Variants in CFAP47 observed in about 807,000 individuals in gnomAD.
The protein encoded by CFAP47 is cilia- and flagella-associated protein 47.
Under a neutral mutation model 148.1 loss-of-function variants are expected in CFAP47, and 29 were observed. The observed-to-expected ratio is 0.20, with a 90% CI of 0.15 to 0.27. The LOEUF (loss-of-function observed/expected upper bound fraction) is 0.27. Among genes scored for constraint, CFAP47 ranks in the 10% least tolerant of loss-of-function variants. The pLI, the probability that CFAP47 is intolerant of heterozygous loss-of-function variation, is 1.00. For missense variants in CFAP47, 1,872 were observed against 1,697.5 expected (o/e 1.10, Z -1.81); for synonymous variants, 664 against 577.3 (o/e 1.15, Z -2.15).
At chrX:36,241,746 G>C (rs1940547441) in intron 48 of CFAP47, among the ~76,000 whole-genome samples, 1 of 112,140 alleles carries the variant, frequency 8.9e-6, no homozygotes, top group Non-Finnish European at 1.9e-5. Flanking sequence ...TAGTCCATCA[G>C]CTGGTGTGGG....
chrX:36,312,671 G>A (rs1365484866), intron 56 of CFAP47, among the ~76,000 whole-genome samples: 2 of 111,737 alleles, frequency 1.8e-5, no homozygotes, highest in Non-Finnish European at 3.8e-5. Flanking sequence ...TTAAAATAAT[G>A]TGTGACTTTC....
intron 48 of CFAP47, among the ~76,000 whole-genome samples, chrX:36,240,182 T>C (rs1309843365): frequency 9.0e-6 from 1 of 111,534 alleles, no homozygotes; most frequent in African/African-American, 3.3e-5. Context: ...ACATAAAAAG[T>C]AGTTTTCAAT....
chrX:36,271,712 A>ATT (rs1313023863), intron 49 of CFAP47, among the ~76,000 whole-genome samples: 5 of 112,092 alleles, frequency 4.5e-5, no homozygotes, highest in African/African-American at 1.6e-4. Flanking sequence ...GTAGGATGAG[A>ATT]CATCATTTGA....
At chrX:36,322,021 A>G (rs183664227) in intron 57 of CFAP47, among the ~76,000 whole-genome samples, 2 of 111,081 alleles carry the variant, frequency 1.8e-5, no homozygotes, top group African/African-American at 3.3e-5. Context: ...CCTTCAATTT[A>G]TCTATATTGT....
chrX:36,229,785 A>G (rs1374377488), intron 46 of CFAP47, among the ~76,000 whole-genome samples: 1 of 70,045 alleles, frequency 1.4e-5, no homozygotes, highest in African/African-American at 5.6e-5. Flanking sequence ...AACAGTCCCC[A>G]GAGTGTGATG....
chrX:36,239,798 A>T (rs952628214), intron 48 of CFAP47, among the ~76,000 whole-genome samples: 1 of 111,851 alleles, frequency 8.9e-6, no homozygotes, highest in Non-Finnish European at 1.9e-5. Flanking sequence ...GATTGTGTAC[A>T]TGCCTGAGAG....
At chrX:36,119,249 T>G (rs927828869) in intron 33 of CFAP47, among the ~76,000 whole-genome samples, 2 of 111,922 alleles carry the variant, frequency 1.8e-5, no homozygotes, top group African/African-American at 3.2e-5. Context: ...CCTTCTATAC[T>G]CAGCTTTTTG....
At position 36,385,028 on chromosome X, in the gene CFAP47, T is replaced by A; in HGVS notation, c.*22T>A. On this transcript the variant is annotated 3_prime_UTR_variant, in exon 64 of 64. Coordinates refer to ENST00000378653, the MANE Select transcript of CFAP47 (RefSeq NM_001304548.2). ...ATAAAATTTTTTTCCAAAATATTTC[T>A]TGGTCTCAGGTAGAACTTTGATGAC... is the stretch of plus-strand genomic sequence containing the variant. The A allele has an allele frequency of 9.8e-7, 1 of 1,025,255 alleles. No individual in the cohort carries two copies. The highest frequency in any genetic ancestry group is 1.3e-6 in the Non-Finnish European group (1 of 744,485). The allele number at this position is 1,025,255 out of a possible 1,213,427, so 84.5% of individuals were successfully genotyped here.
At chrX:36,102,004 G>T (rs900498697) in intron 32 of CFAP47, among the ~76,000 whole-genome samples, 4 of 111,530 alleles carry the variant, frequency 3.6e-5, no homozygotes, top group African/African-American at 1.3e-4. Flanking sequence ...TAGTAGTTTT[G>T]TCATTGTTGT....
At chrX:36,235,285 C>T (rs1336900866) in intron 46 of CFAP47, among the ~76,000 whole-genome samples, 1 of 112,378 alleles carries the variant, frequency 8.9e-6, no homozygotes, top group Non-Finnish European at 1.9e-5. Context: ...TTCAAGCTTC[C>T]CAGCTGCTTT....
intron 49 of CFAP47, among the ~76,000 whole-genome samples, chrX:36,279,651 T>C (rs1320046208): frequency 8.9e-6 from 1 of 112,055 alleles, no homozygotes; most frequent in Non-Finnish European, 1.9e-5. Context: ...ATAGGTCAAC[T>C]TTAGTATAAA....
intron 33 of CFAP47, among the ~76,000 whole-genome samples, chrX:36,118,903 G>C (rs1218959298): frequency 8.9e-6 from 1 of 112,163 alleles, no homozygotes; most frequent in Non-Finnish European, 1.9e-5. Context: ...AAATGCTACT[G>C]ATTTGTACTT....
At position 36,046,967 on chromosome X, in the gene CFAP47, G is replaced by A. The variant is rs1334654135; in HGVS notation, c.4121G>A (p.Gly1374Glu). 6 of 1,162,796 alleles carry A rather than the reference G, an allele frequency of 5.2e-6. No homozygotes were observed. The highest frequency in any genetic ancestry group is 5.7e-6 in the Non-Finnish European group (5 of 869,648). The part of the protein sequence containing the change: ...KGRVIPGSHS[G>E]INNKLTCHLS... The stretch of plus-strand genomic sequence containing the variant: ...AGAGTCATCCCAGGCTCTCACAGTG[G>A]AATTAATAATAAGCTCACTTGCCAC... Residue 1374 changes from glycine (G) to glutamate (E), a missense_variant, in exon 26 of 64, where the codon GGA becomes GAA. Coordinates refer to ENST00000378653, the MANE Select transcript of CFAP47 (RefSeq NM_001304548.2).
chrX:35,919,747 A>G lies in CFAP47; in HGVS notation c.-53A>G. On this transcript the variant is annotated 5_prime_UTR_variant, in exon 1 of 64. Transcript: ENST00000378653. ...TTGCCTAGCGACGGTCGTCGACGCT[A>G]ATCCTTGGCCGGACGGATCCACATC... 1 of 1,157,068 alleles carries G rather than the reference A, an allele frequency of 8.6e-7. No individual in the cohort carries two copies. Among genetic ancestry groups the G allele is most frequent in the Non-Finnish European group, 1.2e-6 (1 of 863,534 alleles).
chrX:36,039,164 C>T lies in CFAP47; in HGVS notation c.3992C>T (p.Pro1331Leu). Residue 1331 changes from proline (P) to leucine (L), a missense_variant, in exon 25 of 64, where the codon CCT becomes CTT. By Grantham distance (98) the Pro-to-Leu change is moderately conservative. Transcript: ENST00000378653. ...ACTGTAATGGATATCAACATTTTAC[C>T]TCAAAACTATTTCAGGTAAATACTC... The part of the protein sequence containing the change: ...ITTVMDINIL[P>L]QNYFRNSTLC... The T allele has an allele frequency of 1.9e-6, 2 of 1,054,040 alleles. No homozygotes were observed. The highest frequency in any genetic ancestry group is 2.5e-6 in the Non-Finnish European group (2 of 791,095). 86.9% of individuals were successfully genotyped at this position (1,054,040 alleles called of 1,213,427 possible).
chrX:36,280,369 A>G, intron 49 of CFAP47, 118 bp from the exon 50 acceptor site: 1 of 315,235 alleles, frequency 3.2e-6, no homozygotes, highest in Non-Finnish European at 5.5e-6. Context: ...ATCTAGAATT[A>G]ATTTTCACTT....
At chrX:36,235,228 A>C (rs782190594) in intron 46 of CFAP47, among the ~76,000 whole-genome samples, 69 of 112,097 alleles carry the variant, frequency 6.2e-4, no homozygotes, top group Non-Finnish European at 1.2e-3. Flanking sequence ...GAGGTGGAGC[A>C]TACAGAGGCA....
At chrX:35,957,885 T>A (rs1193960579) in intron 8 of CFAP47, among the ~76,000 whole-genome samples, 1 of 112,162 alleles carries the variant, frequency 8.9e-6, no homozygotes, top group Non-Finnish European at 1.9e-5. Flanking sequence ...AATAATAACT[T>A]TATTGATATG....
intron 55 of CFAP47, 134 bp from the exon 56 acceptor site, chrX:36,310,699 A>C (rs914788575): frequency 6.4e-5 from 22 of 344,997 alleles, no homozygotes; most frequent in Non-Finnish European, 8.4e-5. Flanking sequence ...AGAAAGGAAA[A>C]ATAAAACAAT....
Sources: gnomAD v4.1 joint callset for allele counts (sites outside exome capture counted in the v4.1 genomes callset) on GRCh38, gnomAD v4.1.1 for gene constraint, MANE v1.5 for transcripts, NCBI Gene and HGNC (gene_info 2026-07-23, HGNC 2026-07-21) for gene names.